Variants in DLG2 observed in about 807,000 individuals in gnomAD.
The protein encoded by DLG2 is disks large homolog 2.
Under a neutral mutation model 132.5 loss-of-function variants are expected in DLG2, and 45 were observed. The ratio of observed to expected loss-of-function variants is 0.34; its 90% CI spans 0.27 to 0.44. The LOEUF is 0.44. DLG2 is among the 20% of genes least tolerant of loss of function. The pLI, the probability that DLG2 is intolerant of heterozygous loss-of-function variation, is 1.00. For missense variants in DLG2, 1,045 were observed against 1,196.9 expected (o/e 0.87, Z 1.87); for synonymous variants, 424 against 419.6 (o/e 1.01, Z -0.13).
chr11:85,452,446 C>CT (rs1298725802), intron 3 of DLG2: 1 of 162,004 alleles, frequency 6.2e-6, no homozygotes, highest in Non-Finnish European at 1.4e-5. Flanking sequence ...GTTATGTCCT[C>CT]TATAGTCTCC....
intron 17 of DLG2, among the ~76,000 whole-genome samples, chr11:83,792,304 A>G (rs913079162): frequency 3.3e-5 from 5 of 152,194 alleles, no homozygotes; most frequent in African/African-American, 1.2e-4. Flanking sequence ...CAAAATGATT[A>G]TTTATTCATT....
At chr11:83,478,413 A>G (rs2092802384) in intron 22 of DLG2, among the ~76,000 whole-genome samples, 1 of 152,040 alleles carries the variant, frequency 6.6e-6, no homozygotes, top group African/African-American at 2.4e-5. Flanking sequence ...CTCTCTTCTC[A>G]TAGATAATTT....
chr11:84,412,307 A>G lies in DLG2; in HGVS notation c.519+122263T>C, dbSNP rs529305466. Among the ~76,000 whole-genome samples, 5 of 151,628 alleles carry G rather than the reference A, an allele frequency of 3.3e-5. No homozygotes were observed. The East Asian group carries it at 9.8e-4, about 30-fold the overall frequency. ...TCTACATTTATTTTCTAGCTGAGTT[A>G]TTCTTTTGTTCAACATACCCTGATT... On this transcript the variant is annotated intron_variant, in intron 7 of 27. Transcript: ENST00000376104.
Position 84,633,484 on chromosome 11 carries a change from A to G in DLG2, c.358-98753T>C, listed in dbSNP as rs566254301. ...TTCATTGAGAATCAACTCGTGCACC[A>G]CTTACTCCAAGAAACATTTCTTGAC... On this transcript the variant is annotated intron_variant, in intron 6 of 27. Transcript: ENST00000376104. 1.2e-3 allele frequency among the ~76,000 whole-genome samples: 177 copies of G among 152,116 alleles called. 2 individuals are homozygous for G. The highest frequency in any genetic ancestry group is 3.6e-3 in the Admixed American group (55 of 15,246).
At chr11:83,561,571 G>A (rs1373833220) in intron 19 of DLG2, among the ~76,000 whole-genome samples, 1 of 152,196 alleles carries the variant, frequency 6.6e-6, no homozygotes, top group African/African-American at 2.4e-5. Context: ...AGTGGAAAGA[G>A]TTTTCCAGAG....
intron 6 of DLG2, among the ~76,000 whole-genome samples, chr11:84,862,496 T>C (rs1379858138): frequency 6.6e-6 from 1 of 152,234 alleles, no homozygotes; most frequent in South Asian, 2.1e-4. Flanking sequence ...TTATAAATCA[T>C]TCTACAATAA....
chr11:84,897,757 G>C (rs1465360820), intron 6 of DLG2, among the ~76,000 whole-genome samples: 3 of 151,912 alleles, frequency 2.0e-5, no homozygotes, highest in South Asian at 4.2e-4. Context: ...CCTAAATCGA[G>C]GCTTTGGGAA....
intron 7 of DLG2, among the ~76,000 whole-genome samples, chr11:84,413,491 G>A (rs578011019): frequency 1.9e-4 from 29 of 152,256 alleles, no homozygotes; most frequent in Admixed American, 6.5e-4. Context: ...GTAGCACAAG[G>A]GTAGATACCA....
At chr11:84,757,690 C>A (rs1221771257) in intron 6 of DLG2, among the ~76,000 whole-genome samples, 1 of 151,458 alleles carries the variant, frequency 6.6e-6, no homozygotes, top group Admixed American at 6.6e-5. Flanking sequence ...TGTTATTACA[C>A]CATTTAATAG....
rs754556131 is a variant in DLG2 at position 83,492,677 on chromosome 11, G to A, written c.2194-8449C>T. 7.2e-5 allele frequency among the ~76,000 whole-genome samples: 11 copies of A among 152,016 alleles called. 1 individual carries two copies. The highest frequency in any genetic ancestry group is 1.6e-4 in the Non-Finnish European group (11 of 67,994). On this transcript the variant is annotated intron_variant, in intron 21 of 27. Transcript: ENST00000376104. ...TCTAACTCTTCCAATTACGCAGGCT[G>A]CAAACTTGCAGGGACGCCTCTCTTT...
intron 7 of DLG2, among the ~76,000 whole-genome samples, chr11:84,354,132 C>T (rs1022142947): frequency 3.9e-5 from 6 of 152,176 alleles, no homozygotes. Flanking sequence ...TCCAATTCCA[C>T]AATACAGTAT....
At chr11:83,554,203 C>T (rs1409929782) in intron 19 of DLG2, among the ~76,000 whole-genome samples, 1 of 152,096 alleles carries the variant, frequency 6.6e-6, no homozygotes, top group Non-Finnish European at 1.5e-5. Context: ...TAAACTTTAG[C>T]ACTTAGGTTT....
intron 10 of DLG2, among the ~76,000 whole-genome samples, chr11:84,087,334 T>C (rs2097003176): frequency 6.6e-6 from 1 of 152,226 alleles, no homozygotes; most frequent in Non-Finnish European, 1.5e-5. Flanking sequence ...ATCTTTTTTA[T>C]TATAGCCATT....
At chr11:84,096,976 A>C (rs2097173649) in intron 10 of DLG2, among the ~76,000 whole-genome samples, 1 of 152,160 alleles carries the variant, frequency 6.6e-6, no homozygotes, top group Admixed American at 6.6e-5. Context: ...CATCAGAAAA[A>C]CTGGATAAGG....
intron 10 of DLG2, among the ~76,000 whole-genome samples, chr11:84,068,491 C>T (rs2096710869): frequency 6.6e-6 from 1 of 152,148 alleles, no homozygotes; most frequent in Admixed American, 6.5e-5. Flanking sequence ...TTATTTGCTC[C>T]AGTGTTCCTC....
intron 4 of DLG2, among the ~76,000 whole-genome samples, chr11:85,164,681 T>A (rs1030192194): frequency 6.6e-6 from 1 of 152,160 alleles, no homozygotes; most frequent in Non-Finnish European, 1.5e-5. Flanking sequence ...TAAAACCGAA[T>A]CATTTAATGA....
At chr11:83,611,478 C>T (rs185263857) in intron 19 of DLG2, among the ~76,000 whole-genome samples, 1 of 152,178 alleles carries the variant, frequency 6.6e-6, no homozygotes, top group African/African-American at 2.4e-5. Context: ...TGGCCCTAGA[C>T]AAACTGACAA....
intron 7 of DLG2, among the ~76,000 whole-genome samples, chr11:84,422,884 T>C (rs972505408): frequency 1.3e-5 from 2 of 152,186 alleles, no homozygotes; most frequent in Non-Finnish European, 2.9e-5. Flanking sequence ...AATTAAATTG[T>C]ATTACTTGCA....
chr11:84,112,528 AT>A (rs1555352897), intron 9 of DLG2, among the ~76,000 whole-genome samples: 27 of 142,948 alleles, frequency 1.9e-4, no homozygotes, highest in Admixed American at 2.1e-4. Flanking sequence ...AACCATGAGA[AT>A]TTTTTTTTTT....
Sources: allele counts gnomAD v4.1 joint callset (sites outside exome capture counted in the v4.1 genomes callset), GRCh38; gene constraint gnomAD v4.1.1; transcripts MANE v1.5; gene names NCBI Gene and HGNC (gene_info 2026-07-23, HGNC 2026-07-21).